The following DYNC2H1 variants were observed in gnomAD, a reference collection of about 807,000 sequenced individuals.
DYNC2H1 encodes cytoplasmic dynein 2 heavy chain 1.
In DYNC2H1, 410 loss-of-function variants were observed where a neutral mutation model predicts 570.0. The observed-to-expected ratio is 0.72, with a 90% CI of 0.66 to 0.78. The LOEUF (loss-of-function observed/expected upper bound fraction) is 0.78. Among genes scored for constraint, DYNC2H1 ranks in the 30% least tolerant of loss-of-function variants. The pLI is 0.00. For missense variants in DYNC2H1, 4,865 were observed against 5,046.4 expected (o/e 0.96, Z 1.09); for synonymous variants, 1,688 against 1,677.6 (o/e 1.01, Z -0.15).
chr11:103,122,850 A>G lies in DYNC2H1; in HGVS notation c.1511A>G (p.Glu504Gly). The G allele has an allele frequency of 6.2e-7, 1 of 1,613,196 alleles. No individual in the cohort carries two copies. The highest frequency in any genetic ancestry group is 8.5e-7 in the Non-Finnish European group (1 of 1,179,528). The part of the protein sequence containing the change: ...LKVDDTIKIA[E>G]ALLSDLPGFR... ...GTAGATGATACTATCAAGATTGCAGAGGCTCTTTTATCTGACTTGCCAGGA... is the reference window on the plus strand; with the variant it reads ...GTAGATGATACTATCAAGATTGCAGGGGCTCTTTTATCTGACTTGCCAGGA... The change falls in exon 11 of 89, where the codon GAG (glutamate) becomes GGG (glycine). Residue 504 changes from glutamate to glycine, a missense_variant. By Grantham distance (98) the Glu-to-Gly change is moderately conservative. Coordinates refer to ENST00000375735, the MANE Select transcript of DYNC2H1 (RefSeq NM_001377.3).
intron 75 of DYNC2H1, among the ~76,000 whole-genome samples, chr11:103,301,023 A>G (rs556861382): frequency 6.6e-6 from 1 of 152,066 alleles, no homozygotes; most frequent in Admixed American, 6.6e-5. Flanking sequence ...AACACCTGGT[A>G]TTCCATCATT....
intron 75 of DYNC2H1, among the ~76,000 whole-genome samples, chr11:103,297,812 T>C (rs1381678857): frequency 6.6e-6 from 1 of 152,132 alleles, no homozygotes; most frequent in African/African-American, 2.4e-5. Context: ...TTTTATTTGC[T>C]TTATTAGTAC....
At chr11:103,312,180 A>T (rs781284237) in intron 79 of DYNC2H1, 147 bp downstream of exon 79, 8 of 739,762 alleles carry the variant, frequency 1.1e-5, no homozygotes, top group Non-Finnish European at 1.7e-5. Flanking sequence ...CCGGAGTTTG[A>T]GACCAGCCTG....
chr11:103,211,287 G>A (rs188367730), intron 53 of DYNC2H1, among the ~76,000 whole-genome samples: 31 of 152,002 alleles, frequency 2.0e-4, no homozygotes, highest in Admixed American at 1.6e-3. Flanking sequence ...AAATTGTGTC[G>A]GTGAGAGGAA....
intron 85 of DYNC2H1, among the ~76,000 whole-genome samples, chr11:103,440,668 A>G (rs1271973056): frequency 6.6e-6 from 1 of 152,164 alleles, no homozygotes; most frequent in Non-Finnish European, 1.5e-5. Flanking sequence ...ATAACAACAA[A>G]TCATTAAAGG....
rs989892852 is a variant in DYNC2H1, at chr11:103,203,690, A to C, written c.8225A>C (p.Glu2742Ala). Reference sequence around the variant, plus strand: ...GAAGTTCCTGGACTCTATACTCTTGAAGAATTAGAGCCCTTGCTGTTACCA... The same window carrying C: ...GAAGTTCCTGGACTCTATACTCTTGCAGAATTAGAGCCCTTGCTGTTACCA... ...SGEVPGLYTL[E>A]ELEPLLLPLK... is the part of the protein sequence containing the mutation. Residue 2742 changes from glutamate to alanine, a missense_variant, in exon 51 of 89, where the codon GAA becomes GCA. Glu to Ala is a moderately radical substitution (Grantham distance 107). Coordinates refer to ENST00000375735, the MANE Select transcript of DYNC2H1 (RefSeq NM_001377.3). This position sits in a 1 kb window ranked among gnomAD's most constrained non-coding sequence, Gnocchi z 4.7. 1.9e-6 allele frequency: 3 copies of C among 1,611,664 alleles called. No individual in the cohort carries two copies. In the African/African-American group the frequency reaches 4.0e-5, roughly 22 times the overall value.
chr11:103,238,215 G>A (rs1415851974), intron 63 of DYNC2H1, among the ~76,000 whole-genome samples: 1 of 152,064 alleles, frequency 6.6e-6, no homozygotes, highest in Non-Finnish European at 1.5e-5. Context: ...TCTGGGAAAA[G>A]ATGGCTAGAC....
In DYNC2H1 at chr11:103,456,261, C is replaced by G. The variant is rs1312738793; in HGVS notation, c.12567-14C>G. 2 of 1,591,196 alleles carry G rather than the reference C, an allele frequency of 1.3e-6. No homozygotes were observed. Among genetic ancestry groups the G allele is most frequent in the Non-Finnish European group, 1.7e-6 (2 of 1,165,286 alleles). On this transcript the variant is annotated splice_polypyrimidine_tract_variant and intron_variant, in intron 86 of 88. Transcript: ENST00000375735. ...GGATTATTGATTTGTGACTTTGATGCTTTACCTTTACAGGGCAGTGGGTCG... is the reference window on the plus strand; with the variant it reads ...GGATTATTGATTTGTGACTTTGATGGTTTACCTTTACAGGGCAGTGGGTCG...
intron 83 of DYNC2H1, among the ~76,000 whole-genome samples, chr11:103,367,898 A>G (rs1288850060): frequency 6.6e-6 from 1 of 152,140 alleles, no homozygotes; most frequent in Non-Finnish European, 1.5e-5. Context: ...ATTTCACTTA[A>G]TGTAATGTCT....
Position 103,147,843 on chromosome 11 carries a change from A to G in DYNC2H1, c.2774A>G (p.Lys925Arg). The G allele has an allele frequency of 6.2e-7, 1 of 1,611,982 alleles. No homozygotes were observed. ...ACTGTGATTGATGATCTCATCCAGA[A>G]GTTATTTGATCTGCTTGTTCTTTCT... ...VKTVIDDLIQ[K>R]LFDLLVLSLK... is the part of the protein sequence containing the mutation. The change falls in exon 19 of 89, where the codon AAG (lysine) becomes AGG (arginine). Residue 925 changes from lysine (K) to arginine (R), a missense_variant. Physicochemically the swap from Lys to Arg is conservative, Grantham distance 26 (BLOSUM62 2). This residue lies in a region of DYNC2H1 where 1,936 missense variants were observed against 1,962.1 expected (regional missense o/e 0.99). Transcript: ENST00000375735.
At position 103,136,787 on chromosome 11, in the gene DYNC2H1, T is replaced by C. The variant is rs1859582638; in HGVS notation, c.2574+839T>C. On this transcript the variant is annotated intron_variant, in intron 17 of 88. Coordinates refer to ENST00000375735, the MANE Select transcript of DYNC2H1 (RefSeq NM_001377.3). Reference sequence around the variant, plus strand: ...AATGGTATTTCTAGTTCTAGATCCCTGAGGAATAGCCACACTGACTTCCAC... The same window carrying C: ...AATGGTATTTCTAGTTCTAGATCCCCGAGGAATAGCCACACTGACTTCCAC... Among the ~76,000 whole-genome samples the C allele has an allele frequency of 2.6e-5, 4 of 152,234 alleles. No individual in the cohort carries two copies. The South Asian group carries it at 8.3e-4, about 32-fold the overall frequency.
At chr11:103,310,048 A>G (rs1867503666) in intron 78 of DYNC2H1, among the ~76,000 whole-genome samples, 1 of 152,138 alleles carries the variant, frequency 6.6e-6, no homozygotes, top group African/African-American at 2.4e-5. Context: ...GATTATATGT[A>G]TGTGCATATA....
In DYNC2H1 at chr11:103,234,012, T is replaced by C. The variant is rs1864125267; in HGVS notation, c.9441-22T>C. 4 of 1,541,606 alleles carry C rather than the reference T, an allele frequency of 2.6e-6. No homozygotes were observed. The Admixed American group carries it at 8.1e-5, about 31-fold the overall frequency. ...TCTCCCAAATCCTTTTTGCTTTTAA[T>C]TAAATTTTAATGTTTACATAGATTT... On this transcript the variant is annotated intron_variant, in intron 60 of 88. Transcript: ENST00000375735.
Position 103,438,663 on chromosome 11 carries a change from G to T in DYNC2H1, c.12456+2631G>T, listed in dbSNP as rs140772188. ...TATTACAGGGGTTCTGTGCAAATAA[G>T]GTAAGACTGACTTGGGTCAAAGGTA... is the stretch of plus-strand genomic sequence containing the variant. On this transcript the variant is annotated intron_variant, in intron 85 of 88. Coordinates refer to ENST00000375735, the MANE Select transcript of DYNC2H1 (RefSeq NM_001377.3). Among the ~76,000 whole-genome samples the T allele has an allele frequency of 3.8e-3, 583 of 152,192 alleles. 5 individuals are homozygous for T. Among genetic ancestry groups the T allele is most frequent in the African/African-American group, 0.013 (559 of 41,530 alleles).
chr11:103,227,262 G>A (rs1321885353), intron 59 of DYNC2H1, among the ~76,000 whole-genome samples: 2 of 151,716 alleles, frequency 1.3e-5, no homozygotes, highest in Non-Finnish European at 2.9e-5. Context: ...GTTCCATGAG[G>A]TGTGACCTTA....
rs1864434127 is a variant in DYNC2H1, at chr11:103,241,859, C to T, written c.9820-1834C>T. Reference sequence around the variant, plus strand: ...AAAACAAGGTACCTTGTCTGTGGACCATTTTAAAATAATAATAATAAAGCT... The same window carrying T: ...AAAACAAGGTACCTTGTCTGTGGACTATTTTAAAATAATAATAATAAAGCT... On this transcript the variant is annotated intron_variant, in intron 63 of 88. Transcript: ENST00000375735. The surrounding 1 kb of genome is among the most constrained non-coding windows in gnomAD (Gnocchi z 5.1). Among the ~76,000 whole-genome samples, 1 of 146,232 alleles carries T rather than the reference C, an allele frequency of 6.8e-6. No individual in the cohort carries two copies. Among genetic ancestry groups the T allele is most frequent in the African/African-American group, 2.7e-5 (1 of 37,312 alleles).
intron 65 of DYNC2H1, among the ~76,000 whole-genome samples, chr11:103,250,626 C>A (rs1222980389): frequency 6.6e-6 from 1 of 152,070 alleles, no homozygotes; most frequent in Non-Finnish European, 1.5e-5. Flanking sequence ...TTATTTCATT[C>A]CTATCACTTC....
At chr11:103,213,645 T>G (rs1863250315) in intron 54 of DYNC2H1, among the ~76,000 whole-genome samples, 1 of 151,802 alleles carries the variant, frequency 6.6e-6, no homozygotes, top group African/African-American at 2.4e-5. Context: ...AAAAATCTAT[T>G]CAGATCCTTT....
rs775816090 is a variant in DYNC2H1 at position 103,163,122 on chromosome 11, T to C, written c.4586T>C (p.Val1529Ala). Residue 1529 changes from valine to alanine, a missense_variant, in exon 30 of 89, where the codon GTT (valine) becomes GCT (alanine). By Grantham distance (64) the Val-to-Ala change is moderately conservative. Around this residue, in one of 5 missense-constraint regions of DYNC2H1, gnomAD observed 1,936 missense variants for 1,962.1 expected, o/e 0.99. Transcript: ENST00000375735. This position sits in a 1 kb window ranked among gnomAD's most constrained non-coding sequence, Gnocchi z 4.6. ...VTTGRSSQGAVDPSLFPSQIL... is the reference protein window; with the variant it reads ...VTTGRSSQGAADPSLFPSQIL... Reference sequence around the variant, plus strand: ...ACTGGGCGAAGTTCTCAAGGTGCAGTTGACCCATCTCTGTTCCCTTCACAG... The same window carrying C: ...ACTGGGCGAAGTTCTCAAGGTGCAGCTGACCCATCTCTGTTCCCTTCACAG... 3.7e-6 allele frequency: 6 copies of C among 1,612,888 alleles called. No homozygotes were observed. The South Asian group carries it at 6.6e-5, about 18-fold the overall frequency.
Sources: allele counts gnomAD v4.1 joint callset (sites outside exome capture counted in the v4.1 genomes callset), GRCh38; gene constraint gnomAD v4.1.1; regional missense constraint gnomAD v4.1.1; non-coding constraint Gnocchi (gnomAD v3.1); transcripts MANE v1.5; gene names NCBI Gene and HGNC (gene_info 2026-07-23, HGNC 2026-07-21).